Variants in SIM1 observed in about 807,000 individuals in gnomAD.
SIM1 encodes the protein SIM bHLH transcription factor 1, also known as single-minded homolog 1.
A neutral mutation model predicts 78.2 loss-of-function variants in SIM1; 18 were observed. The ratio of observed to expected loss-of-function variants is 0.23; its 90% CI spans 0.16 to 0.34. SIM1 has a LOEUF of 0.34. Among genes scored for constraint, SIM1 ranks in the 10% least tolerant of loss-of-function variants. The pLI is 1.00. For synonymous variants in SIM1, 417 were observed against 385.2 expected (o/e 1.08, Z -0.97); for missense variants, 939 against 975.1 (o/e 0.96, Z 0.49).
chr6:100,400,074 A>T (rs996350086), intron 10 of SIM1, among the ~76,000 whole-genome samples: 1 of 152,196 alleles, frequency 6.6e-6, no homozygotes, highest in Middle Eastern at 3.4e-3. Context: ...AATGTTATGA[A>T]TATTTATGCA....
At chr6:100,450,164 C>T in intron 4 of SIM1, 103 bp downstream of exon 4, 1 of 878,670 alleles carries the variant, frequency 1.1e-6, no homozygotes, top group Non-Finnish European at 1.9e-6. Flanking sequence ...ATGTCCAGCT[C>T]CAGGTTTAGA....
At chr6:100,413,171 C>T (rs562714673) in intron 10 of SIM1, among the ~76,000 whole-genome samples, 1 of 152,248 alleles carries the variant, frequency 6.6e-6, no homozygotes, top group South Asian at 2.1e-4. Context: ...TTTAATCTTC[C>T]CCATTGAATC....
At position 100,449,532 on chromosome 6, in the gene SIM1, G is replaced by A. The variant is rs1772456247; in HGVS notation, c.457+59C>T. On this transcript the variant is annotated intron_variant, in intron 5 of 11. Coordinates refer to ENST00000369208, the MANE Select transcript of SIM1 (RefSeq NM_005068.3). ...ACGCGTCTCTGCCACGACTAATTGG[G>A]GAAAAACCACAAGCGGACTGCGATG... is the stretch of plus-strand genomic sequence containing the variant. 2.5e-6 allele frequency: 4 copies of A among 1,589,784 alleles called. No homozygotes were observed. The Admixed American group carries it at 6.7e-5, about 27-fold the overall frequency.
Position 100,401,019 on chromosome 6 carries a change from C to T in SIM1, c.1168-7130G>A, listed in dbSNP as rs2114474512. 1.3e-5 allele frequency among the ~76,000 whole-genome samples: 2 copies of T among 152,192 alleles called. 1 individual carries two copies. Among genetic ancestry groups the T allele is most frequent in the African/African-American group, 4.8e-5 (2 of 41,558 alleles). On this transcript the variant is annotated intron_variant, in intron 10 of 11. Transcript: ENST00000369208. ...TATACAGTAAAGAAACCAAATGACA[C>T]TTTCACCAGGTGATCAAAATTAATA...
intron 10 of SIM1, among the ~76,000 whole-genome samples, chr6:100,412,748 A>AAAGAAAGG (rs1771286564): frequency 7.4e-6 from 1 of 134,698 alleles, no homozygotes; most frequent in Non-Finnish European, 1.7e-5. Context: ...AGAAAGAAAG[A>AAAGAAAGG]AAGAAAAAAG....
chr6:100,409,362 T>C (rs1771135723), intron 10 of SIM1, among the ~76,000 whole-genome samples: 1 of 152,152 alleles, frequency 6.6e-6, no homozygotes, highest in African/African-American at 2.4e-5. Context: ...TAATCATTGA[T>C]ATTTCTGTAG....
rs1004397445 is a variant in SIM1, at chr6:100,385,210, T to C, written c.*5151A>G. On this transcript the variant is annotated 3_prime_UTR_variant, in exon 12 of 12. Transcript: ENST00000369208. Reference sequence around the variant, plus strand: ...CAAAGTAAAATTTCAAATTACAGCTTTATACTACAATGTCACTAAAAACTA... The same window carrying C: ...CAAAGTAAAATTTCAAATTACAGCTCTATACTACAATGTCACTAAAAACTA... The C allele has an allele frequency of 6.6e-6, 1 of 152,072 alleles. No homozygotes were observed. Among genetic ancestry groups the C allele is most frequent in the Non-Finnish European group, 1.5e-5 (1 of 67,956 alleles). 9.4% of individuals were successfully genotyped at this position (152,072 alleles called of 1,614,324 possible).
chr6:100,448,666 T>A lies in SIM1; in HGVS notation c.556A>T (p.Ser186Cys). The change falls in exon 7 of 12, where the codon AGC becomes TGC. Residue 186 changes from serine (S) to cysteine (C), a missense_variant. Ser to Cys is a moderately radical substitution (Grantham distance 112, BLOSUM62 -1). Transcript: ENST00000369208. ...TCGGYKVIHC[S>C]GYLKIRQYSL... ...TACTGGCGGATCTTCAAGTAGCCGC[T>A]GCAGTGGATGACCTGAGGCAGAGGG... 1 of 1,611,092 alleles carries A rather than the reference T, an allele frequency of 6.2e-7. No individual in the cohort carries two copies. Among genetic ancestry groups the A allele is most frequent in the South Asian group, 1.1e-5 (1 of 91,074 alleles).
chr6:100,438,981 G>A (rs925236378), intron 9 of SIM1, among the ~76,000 whole-genome samples: 4 of 152,072 alleles, frequency 2.6e-5, no homozygotes, highest in African/African-American at 9.7e-5. Context: ...GTGGGGTGAG[G>A]AATAAGACTG....
chr6:100,447,627 A>G (rs1304750833), intron 8 of SIM1, among the ~76,000 whole-genome samples: 2 of 152,256 alleles, frequency 1.3e-5, no homozygotes, highest in East Asian at 3.9e-4. Flanking sequence ...TAGGGATGAT[A>G]CAGGGGTGGC....
In SIM1 at chr6:100,412,683, AAAAGAAAGAAAGAAAGAAAGAAAG is replaced by A. The variant is rs373803181; in HGVS notation, c.1167+8083_1167+8106del. 2.9e-3 allele frequency among the ~76,000 whole-genome samples: 220 copies of A among 77,102 alleles called. 3 individuals carry two copies. The highest frequency in any genetic ancestry group is 7.2e-3 in the Admixed American group (47 of 6,486). The allele number at this position is 77,102 out of a possible 152,430, so 50.6% of individuals were successfully genotyped here. ...AGAGAGAGAGAGAGAGAAAGAAAGA[AAAAGAAAGAAAGAAAGAAAGAAAG>A]AAAGAAAGAAAGAAAGAAAGAAAGA... On this transcript the variant is annotated intron_variant, in intron 10 of 11. Coordinates refer to ENST00000369208, the MANE Select transcript of SIM1 (RefSeq NM_005068.3).
At chr6:100,436,633 T>C (rs1772057969) in intron 9 of SIM1, among the ~76,000 whole-genome samples, 1 of 152,232 alleles carries the variant, frequency 6.6e-6, no homozygotes, top group South Asian at 2.1e-4. Flanking sequence ...CATGATCTCA[T>C]TAAATGTTCC....
chr6:100,425,985 C>G (rs1771717023), intron 9 of SIM1, among the ~76,000 whole-genome samples: 1 of 152,168 alleles, frequency 6.6e-6, no homozygotes, highest in Non-Finnish European at 1.5e-5. Flanking sequence ...CCACACAAAC[C>G]CTGTTTGGGG....
intron 2 of SIM1, among the ~76,000 whole-genome samples, chr6:100,460,648 A>T (rs958380886): frequency 2.6e-5 from 4 of 152,206 alleles, no homozygotes; most frequent in African/African-American, 9.6e-5. Context: ...ACTAGAAAAG[A>T]TTACATCCAT....
At chr6:100,408,739 C>G (rs1406236071) in intron 10 of SIM1, among the ~76,000 whole-genome samples, 1 of 152,026 alleles carries the variant, frequency 6.6e-6, no homozygotes, top group East Asian at 1.9e-4. Context: ...TGGAACCAAC[C>G]TTGCATCCCA....
chr6:100,390,256 G>A lies in SIM1; in HGVS notation c.*105C>T, dbSNP rs985868227. On this transcript the variant is annotated 3_prime_UTR_variant, in exon 12 of 12. Coordinates refer to ENST00000369208, the MANE Select transcript of SIM1 (RefSeq NM_005068.3). ...ACGTATCAAATACCCAGTAACTTAA[G>A]TTATACTCTCTAACAATCTGTGGCA... 2.0e-5 allele frequency: 26 copies of A among 1,287,122 alleles called. No individual in the cohort carries two copies. Among genetic ancestry groups the A allele is most frequent in the Non-Finnish European group, 2.6e-5 (24 of 933,726 alleles). 79.7% of individuals were successfully genotyped at this position (1,287,122 alleles called of 1,614,324 possible).
chr6:100,402,663 C>T (rs939368812), intron 10 of SIM1, among the ~76,000 whole-genome samples: 1 of 148,476 alleles, frequency 6.7e-6, no homozygotes, highest in Admixed American at 6.8e-5. Flanking sequence ...CGGCAAGCTC[C>T]GCCTCCCGGG....
intron 9 of SIM1, among the ~76,000 whole-genome samples, chr6:100,433,224 C>T (rs1422716139): frequency 1.3e-5 from 2 of 152,184 alleles, no homozygotes; most frequent in South Asian, 2.1e-4. Context: ...TCTCCAATGG[C>T]TTCCCAAAAC....
chr6:100,389,097 C>T lies in SIM1; in HGVS notation c.*1264G>A, dbSNP rs1770575273. ...AGCCCAGGCACGGTGAATGGTACAA[C>T]TGTGGTCACAAAATTAAGTTACAGG... On this transcript the variant is annotated 3_prime_UTR_variant, in exon 12 of 12. Transcript: ENST00000369208. The T allele has an allele frequency of 6.6e-6, 1 of 152,448 alleles. No homozygotes were observed. The highest frequency in any genetic ancestry group is 2.1e-4 in the South Asian group (1 of 4,824). The allele number at this position is 152,448 out of a possible 1,614,324, so 9.4% of individuals were successfully genotyped here. A position where few individuals can be genotyped will look rare whatever the true frequency, so the allele number is the denominator to read the frequency against.
Sources: allele counts gnomAD v4.1 joint callset (sites outside exome capture counted in the v4.1 genomes callset), GRCh38; gene constraint gnomAD v4.1.1; transcripts MANE v1.5; gene names NCBI Gene and HGNC (gene_info 2026-07-23, HGNC 2026-07-21).